The following TCHP variants were observed in gnomAD, a reference collection of about 807,000 sequenced individuals.
The protein encoded by TCHP is trichoplein keratin filament binding.
In TCHP, 81 loss-of-function variants were observed where a neutral mutation model predicts 88.7. The observed-to-expected ratio is 0.91, with a 90% CI of 0.76 to 1.10. The LOEUF (loss-of-function observed/expected upper bound fraction) is 1.10. Ranked by LOEUF, TCHP falls within the 50% of genes least tolerant of loss-of-function variation. TCHP has a pLI of 0.00. For missense variants in TCHP, 641 were observed against 632.1 expected (o/e 1.01, Z -0.15); for synonymous variants, 232 against 232.5 (o/e 1.00, Z 0.02).
intron 1 of TCHP, among the ~76,000 whole-genome samples, chr12:109,902,754 G>A (rs1234830616): frequency 6.6e-6 from 1 of 152,208 alleles, no homozygotes; most frequent in African/African-American, 2.4e-5. Context: ...GATTACAGGC[G>A]TGAGCCACGG....
the TCHP span, among the ~76,000 whole-genome samples, chr12:109,881,700 T>C: frequency 6.6e-6 from 1 of 152,176 alleles, no homozygotes; most frequent in African/African-American, 2.4e-5. Context: ...TTATACCAAT[T>C]CACCCACAAC....
upstream of TCHP, among the ~76,000 whole-genome samples, chr12:109,897,538 CT>C (rs200050403): frequency 1.7e-4 from 24 of 145,370 alleles, no homozygotes; most frequent in African/African-American, 6.8e-4. Context: ...TCACATATTT[CT>C]TTTTCTTTTC....
chr12:109,892,856 A>G, the TCHP span, among the ~76,000 whole-genome samples: 1 of 152,184 alleles, frequency 6.6e-6, no homozygotes, highest in African/African-American at 2.4e-5. Flanking sequence ...GAACAGGACA[A>G]TCAAGGTTCA....
Position 109,904,764 on chromosome 12 carries a change from T to C in TCHP, c.427T>C (p.Trp143Arg), listed in dbSNP as rs1870027153. Residue 143 changes from tryptophan (W) to arginine (R), a missense_variant, in exon 4 of 13, where the codon TGG becomes CGG. Coordinates refer to ENST00000405876, the MANE Select transcript of TCHP (RefSeq NM_001143852.2). ...LIAEQLLYEH[W>R]KKNNPKLREM... is the part of the protein sequence containing the mutation. The stretch of plus-strand genomic sequence containing the variant: ...TGCTGAACAACTTTTGTACGAACAC[T>C]GGAAAAAGAACAACCCGAAACTTCG... 2 of 1,613,464 alleles carry C rather than the reference T, an allele frequency of 1.2e-6. No homozygotes were observed. Among genetic ancestry groups the C allele is most frequent in the African/African-American group, 1.3e-5 (1 of 74,892 alleles).
chr12:109,909,568 C>A (rs1441747369), intron 8 of TCHP, among the ~76,000 whole-genome samples: 3 of 152,194 alleles, frequency 2.0e-5, no homozygotes, highest in Non-Finnish European at 2.9e-5. Context: ...GCCTATAATC[C>A]CAGCACTTTG....
rs376880032 is a variant in TCHP, at chr12:109,914,432, C to G, written c.1135-10C>G. On this transcript the variant is annotated splice_polypyrimidine_tract_variant and intron_variant, in intron 10 of 12. Transcript: ENST00000405876. ...CCTCAAAGCTGCCCTTTTCTTTCTG[C>G]TGAGGTTAGGTTCTGACAGGGAGAC... 74 of 1,604,268 alleles carry G rather than the reference C, an allele frequency of 4.6e-5. 1 individual carries two copies. The African/African-American group carries it at 9.0e-4, about 19-fold the overall frequency.
intron 12 of TCHP, 89 bp downstream of exon 12, chr12:109,915,635 C>G: frequency 7.0e-7 from 1 of 1,428,650 alleles, no homozygotes; most frequent in South Asian, 1.4e-5. Context: ...CGCCCCGCGC[C>G]GGGGTCTGCT....
At chr12:109,893,939 T>G in the TCHP span, among the ~76,000 whole-genome samples, 2 of 152,080 alleles carry the variant, frequency 1.3e-5, no homozygotes, top group African/African-American at 2.4e-5. Context: ...ATTCCAGGAC[T>G]TTGGGAGGTT....
chr12:109,881,272 C>T, the TCHP span, among the ~76,000 whole-genome samples: 1 of 152,168 alleles, frequency 6.6e-6, no homozygotes, highest in Non-Finnish European at 1.5e-5. Context: ...TGTAACTTCA[C>T]ATTCATCCTC....
the TCHP span, among the ~76,000 whole-genome samples, chr12:109,894,986 G>A: frequency 6.6e-6 from 1 of 151,900 alleles, no homozygotes; most frequent in Non-Finnish European, 1.5e-5. Context: ...TGTCCCATAG[G>A]GAGGGGGTCA....
chr12:109,906,668 G>A (rs1396188889), intron 5 of TCHP, 28 bp downstream of exon 5: 7 of 1,567,182 alleles, frequency 4.5e-6, no homozygotes, highest in African/African-American at 1.3e-5. Context: ...GGGAATAGCC[G>A]CGTATTCTGC....
At chr12:109,894,697 G>A in the TCHP span, among the ~76,000 whole-genome samples, 60 of 149,830 alleles carry the variant, frequency 4.0e-4, no homozygotes, top group Middle Eastern at 3.4e-3. Flanking sequence ...CCCAGGAGGC[G>A]GAGGTTGCAG....
intron 6 of TCHP, among the ~76,000 whole-genome samples, chr12:109,908,344 G>A (rs1870263841): frequency 6.6e-6 from 1 of 152,210 alleles, no homozygotes; most frequent in African/African-American, 2.4e-5. Flanking sequence ...TTAAGTTACA[G>A]TAAGAGTGGA....
chr12:109,890,401 A>G, the TCHP span, among the ~76,000 whole-genome samples: 3 of 151,708 alleles, frequency 2.0e-5, no homozygotes, highest in Non-Finnish European at 4.4e-5. Flanking sequence ...AGCCCAGGAG[A>G]TAGAGGCTGC....
the TCHP span, among the ~76,000 whole-genome samples, chr12:109,882,424 C>A: frequency 7.5e-6 from 1 of 134,082 alleles, no homozygotes. Flanking sequence ...AGCGAGACTC[C>A]GTCTAAAAAA....
intron 10 of TCHP, 61 bp from the exon 11 acceptor site, chr12:109,914,381 G>T: frequency 1.3e-6 from 2 of 1,500,250 alleles, no homozygotes; most frequent in Admixed American, 1.9e-5. Context: ...TCCAAGGCTT[G>T]TAGAACCAGG....
chr12:109,898,041 G>A (rs1283688399), upstream of TCHP, among the ~76,000 whole-genome samples: 5 of 152,150 alleles, frequency 3.3e-5, no homozygotes, highest in Non-Finnish European at 7.3e-5. Context: ...GGAAACTTGA[G>A]GACTCTTATG....
upstream of TCHP, among the ~76,000 whole-genome samples, chr12:109,897,110 C>A (rs2136061303): frequency 6.6e-6 from 1 of 152,298 alleles, no homozygotes; most frequent in Middle Eastern, 3.4e-3. Context: ...GCTGCGGCTC[C>A]TCAGGCAAGC....
the TCHP span, among the ~76,000 whole-genome samples, chr12:109,887,315 G>A: frequency 6.8e-3 from 1,030 of 151,440 alleles, 1 homozygote; most frequent in Non-Finnish European, 9.5e-3. Context: ...CCAGCTACTC[G>A]GGAGGCTGAG....
Sources: allele counts gnomAD v4.1 joint callset (sites outside exome capture counted in the v4.1 genomes callset), GRCh38; gene constraint gnomAD v4.1.1; transcripts MANE v1.5; gene names NCBI Gene and HGNC (gene_info 2026-07-23, HGNC 2026-07-21).